C11orf65: variants seen among roughly 807,000 people sequenced by gnomAD.
C11orf65 encodes the protein chromosome 11 open reading frame 65, also known as protein MFI.
A neutral mutation model predicts 35.3 loss-of-function variants in C11orf65; 38 were observed. That is an observed-to-expected ratio of 1.08 (90% CI 0.83 to 1.41). The LOEUF is 1.41. C11orf65 is among the 40% of genes most tolerant of loss of function. The pLI is 0.00. For missense variants in C11orf65, 370 were observed against 367.1 expected (o/e 1.01, Z -0.06); for synonymous variants, 105 against 114.4 (o/e 0.92, Z 0.53).
At chr11:108,440,599 C>T (rs1223994804) in intron 2 of C11orf65, among the ~76,000 whole-genome samples, 1 of 152,190 alleles carries the variant, frequency 6.6e-6, no homozygotes, top group Non-Finnish European at 1.5e-5. Flanking sequence ...TCATCAATCT[C>T]TGGAGGCAAC....
Position 108,347,298 on chromosome 11 carries a change from T to G in C11orf65, c.227-12006A>C, listed in dbSNP as rs2088545756. The G allele has an allele frequency of 2.5e-6, 4 of 1,611,070 alleles. No individual in the cohort carries two copies. The highest frequency in any genetic ancestry group is 3.4e-6 in the Non-Finnish European group (4 of 1,177,452). ...CTCCAGTTGGTTACATACTTGGACTTGGTGATAGACATGTACAGAATATCT... is the reference window on the plus strand; with the variant it reads ...CTCCAGTTGGTTACATACTTGGACTGGGTGATAGACATGTACAGAATATCT... On this transcript the variant is annotated intron_variant, in intron 2 of 3. Coordinates refer to the C11orf65 transcript ENST00000524755.
intron 2 of C11orf65, among the ~76,000 whole-genome samples, chr11:108,440,282 T>C (rs146480104): frequency 1.3e-5 from 2 of 152,310 alleles, no homozygotes; most frequent in East Asian, 3.9e-4. Context: ...CAAAACTTAG[T>C]AGTGTAAAAA....
At chr11:108,355,746 T>C (rs572119769) in intron 2 of C11orf65, 1 of 152,376 alleles carries the variant, frequency 6.6e-6, no homozygotes, top group African/African-American at 2.4e-5. Context: ...AATATGTGCA[T>C]TTTTAAAAAT....
At chr11:108,446,925 A>G (rs1445872044) in intron 2 of C11orf65, among the ~76,000 whole-genome samples, 2 of 151,760 alleles carry the variant, frequency 1.3e-5, no homozygotes, top group African/African-American at 2.4e-5. Flanking sequence ...TCAAAATAAA[A>G]GGATGGAGGA....
Position 108,407,154 on chromosome 11 carries a change from A to G in C11orf65, c.175-5T>C, listed in dbSNP as rs1403535523. On this transcript the variant is annotated splice_polypyrimidine_tract_variant and splice_region_variant and intron_variant, in intron 3 of 8. Transcript: ENST00000393084. ...AGCAGCATCTAGAAGCTCTGCCTAT[A>G]AGAAAATATATTATTCTTATATATT... The G allele has an allele frequency of 6.3e-7, 1 of 1,581,794 alleles. No homozygotes were observed. Among genetic ancestry groups the G allele is most frequent in the Non-Finnish European group, 8.6e-7 (1 of 1,157,202 alleles).
intron 6 of C11orf65, among the ~76,000 whole-genome samples, chr11:108,403,628 T>G (rs1565652296): frequency 1.3e-5 from 2 of 152,246 alleles, no homozygotes; most frequent in African/African-American, 4.8e-5. Flanking sequence ...TTTTAGATGC[T>G]TTATGGTTTT....
At chr11:108,451,466 TC>T (rs1270999835) in intron 2 of C11orf65, among the ~76,000 whole-genome samples, 2 of 151,856 alleles carry the variant, frequency 1.3e-5, no homozygotes, top group Non-Finnish European at 2.9e-5. Flanking sequence ...AAGGACCTCT[TC>T]AAGGAGAACT....
At chr11:108,392,795 A>G (rs985437846) in intron 7 of C11orf65, among the ~76,000 whole-genome samples, 1 of 152,212 alleles carries the variant, frequency 6.6e-6, no homozygotes, top group African/African-American at 2.4e-5. Flanking sequence ...CACACAAGAA[A>G]TCTTAAAAAT....
At chr11:108,320,034 T>A in intron 6 of C11orf65, 1 of 1,605,394 alleles carries the variant, frequency 6.2e-7, no homozygotes, top group Non-Finnish European at 8.5e-7. Context: ...TTCTCTACAT[T>A]TTATGAAAGT....
chr11:108,316,378 T>C (rs2084652531), intron 6 of C11orf65, among the ~76,000 whole-genome samples: 1 of 151,312 alleles, frequency 6.6e-6, no homozygotes, highest in South Asian at 2.1e-4. Context: ...ATAGTGTTGT[T>C]GGATAACAAC....
chr11:108,316,122 T>C, intron 6 of C11orf65: 1 of 1,612,716 alleles, frequency 6.2e-7, no homozygotes, highest in Non-Finnish European at 8.5e-7. Flanking sequence ...AGGTACATTT[T>C]TTCCCAGATT....
intron 3 of C11orf65, among the ~76,000 whole-genome samples, chr11:108,418,622 C>A (rs1161954639): frequency 1.3e-5 from 2 of 151,600 alleles, no homozygotes; most frequent in African/African-American, 4.8e-5. Context: ...AAACAGAATT[C>A]AAAGAAAATA....
At position 108,382,849 on chromosome 11, in the gene C11orf65, A is replaced by G. The variant is rs527488333; in HGVS notation, c.*172T>C. 1.6e-5 allele frequency: 16 copies of G among 984,952 alleles called. No homozygotes were observed. In the African/African-American group the frequency reaches 2.8e-4, roughly 17 times the overall value. The allele number at this position is 984,952 out of a possible 1,614,324, so 61.0% of individuals were successfully genotyped here. Reference sequence around the variant, plus strand: ...AATAATTTCTATATTTGCCATGATCATTGTATTCAGTCCAGTGTTCTATTT... The same window carrying G: ...AATAATTTCTATATTTGCCATGATCGTTGTATTCAGTCCAGTGTTCTATTT... On this transcript the variant is annotated 3_prime_UTR_variant, in exon 9 of 9. Transcript: ENST00000393084.
At chr11:108,317,629 A>G (rs1282420152) in intron 6 of C11orf65, 2 of 159,506 alleles carry the variant, frequency 1.3e-5, no homozygotes, top group South Asian at 3.2e-4. Flanking sequence ...ATATATATAT[A>G]TATATATATA....
At chr11:108,467,235 CGAGGAAAGGAGCTCT>C (rs1164410924) in intron 1 of C11orf65, among the ~76,000 whole-genome samples, 4 of 151,876 alleles carry the variant, frequency 2.6e-5, no homozygotes, top group African/African-American at 4.8e-5. Flanking sequence ...TCACCGAGGG[CGAGGAAAGGAGCTCT>C]GAGGAAGGGG....
intron 6 of C11orf65, chr11:108,326,036 C>T: frequency 6.2e-7 from 1 of 1,611,762 alleles, no homozygotes; most frequent in Non-Finnish European, 8.5e-7. Flanking sequence ...GTATTTATTC[C>T]CATATGTCAT....
intron 3 of C11orf65, among the ~76,000 whole-genome samples, chr11:108,417,229 G>A (rs1282134275): frequency 6.6e-6 from 1 of 152,054 alleles, no homozygotes; most frequent in Admixed American, 6.6e-5. Context: ...TATCCTACTG[G>A]ATAAAAAATG....
Position 108,406,761 on chromosome 11 carries a change from A to G in C11orf65, c.429+2T>C, listed in dbSNP as rs535748644. 1.3e-6 allele frequency: 2 copies of G among 1,566,852 alleles called. No individual in the cohort carries two copies. Among genetic ancestry groups the G allele is most frequent in the South Asian group, 2.4e-5 (2 of 82,888 alleles). ...TAAAAATTAACATTTCTCTTTTCTT[A>G]CTGTATCAGAAACTGGCCTCCAGCC... On this transcript the variant is annotated splice_donor_variant, in intron 5 of 8. Coordinates refer to ENST00000393084, the MANE Select transcript of C11orf65 (RefSeq NM_152587.5). LOFTEE classifies it high-confidence loss of function.
chr11:108,312,186 G>A (rs920155054), intron 6 of C11orf65, among the ~76,000 whole-genome samples: 2 of 152,088 alleles, frequency 1.3e-5, no homozygotes, highest in Non-Finnish European at 2.9e-5. Flanking sequence ...TCATATTTTT[G>A]CATATAGGCT....
Sources: gnomAD v4.1 joint callset for allele counts (sites outside exome capture counted in the v4.1 genomes callset) on GRCh38, gnomAD v4.1.1 for gene constraint, MANE v1.5 for transcripts, NCBI Gene and HGNC (gene_info 2026-07-23, HGNC 2026-07-21) for gene names.